BNIP5: variants seen among roughly 807,000 people sequenced by gnomAD.
BNIP5 encodes the protein BCL2 interacting protein 5, also known as protein BNIP5.
Under a neutral mutation model 67.3 loss-of-function variants are expected in BNIP5, and 61 were observed. The observed-to-expected ratio is 0.91, with a 90% confidence interval of 0.74 to 1.12. BNIP5 has a LOEUF of 1.12. BNIP5 is among the 50% of genes most tolerant of loss of function. BNIP5 has a pLI of 0.00. For synonymous variants in BNIP5, 317 were observed against 319.0 expected (o/e 0.99, Z 0.07); for missense variants, 826 against 816.3 (o/e 1.01, Z -0.14).
In BNIP5 at chr6:36,316,438, C is replaced by G. The variant is rs1202600451; in HGVS notation, c.*918G>C. ...ACAAAAAATAGCCCTTTTCTCAAGA[C>G]ATGTTACTGCTACCAGCTGCAAAAC... On this transcript the variant is annotated 3_prime_UTR_variant, in exon 12 of 12. Coordinates refer to ENST00000437635, the MANE Select transcript of BNIP5 (RefSeq NM_001010903.5). 2 of 398,286 alleles carry G rather than the reference C, an allele frequency of 5.0e-6. No individual in the cohort carries two copies. Among genetic ancestry groups the G allele is most frequent in the Non-Finnish European group, 8.8e-6 (2 of 226,082 alleles). The allele number at this position is 398,286 out of a possible 1,614,324, so 24.7% of individuals were successfully genotyped here.
intron 1 of BNIP5, 56 bp from the exon 2 acceptor site, chr6:36,330,750 T>C: frequency 6.6e-7 from 1 of 1,506,750 alleles, no homozygotes; most frequent in Non-Finnish European, 8.8e-7. Context: ...TTTGATTTGT[T>C]TGTTTGTTTG....
chr6:36,325,737 C>T (rs1771748182), intron 5 of BNIP5, among the ~76,000 whole-genome samples: 1 of 152,196 alleles, frequency 6.6e-6, no homozygotes. Context: ...CAGAATCCCC[C>T]TGCATGAAAA....
chr6:36,332,115 C>G (rs1771920107), intron 1 of BNIP5, among the ~76,000 whole-genome samples: 1 of 152,222 alleles, frequency 6.6e-6, no homozygotes. Flanking sequence ...ACACCCCACA[C>G]GTCCCAGCCT....
chr6:36,332,992 A>T (rs191038254), intron 1 of BNIP5, among the ~76,000 whole-genome samples: 1 of 152,342 alleles, frequency 6.6e-6, no homozygotes, highest in Non-Finnish European at 1.5e-5. Flanking sequence ...GTGGTATGGG[A>T]TGTACTGTAA....
rs1771768286 is a variant in BNIP5 at position 36,326,645 on chromosome 6, G to A, written c.901C>T (p.Pro301Ser). Reference protein sequence around the residue: ...TSLKRTSKTNPKKHGSEEAKR... With the variant: ...TSLKRTSKTNSKKHGSEEAKR... ...GCCTCCTCGGAGCCGTGTTTCTTGG[G>A]GTTTGTCTTTGAGGTTCTCTTGAGG... Residue 301 changes from proline to serine, a missense_variant, in exon 5 of 12, where the codon CCC (proline) becomes TCC (serine). By Grantham distance (74) the Pro-to-Ser change is moderately conservative (BLOSUM62 -1). Transcript: ENST00000437635. The A allele has an allele frequency of 6.2e-7, 1 of 1,614,232 alleles. No homozygotes were observed. Among genetic ancestry groups the A allele is most frequent in the East Asian group, 2.2e-5 (1 of 44,888 alleles).
intron 10 of BNIP5, 150 bp from the exon 11 acceptor site, chr6:36,319,760 C>T (rs1771596527): frequency 9.0e-6 from 8 of 890,998 alleles, no homozygotes; most frequent in Admixed American, 8.2e-5. Flanking sequence ...CCCCTAGCCT[C>T]TCAGAATCTG....
intron 1 of BNIP5, among the ~76,000 whole-genome samples, chr6:36,332,559 AT>A (rs919448461): frequency 6.6e-6 from 1 of 152,220 alleles, no homozygotes; most frequent in African/African-American, 2.4e-5. Context: ...TGTATAACAC[AT>A]TTAGTAAATG....
chr6:36,325,296 T>G lies in BNIP5; in HGVS notation c.1155A>C (p.Arg385Ser), dbSNP rs1401567095. 6.2e-7 allele frequency: 1 copy of G among 1,614,172 alleles called. No individual in the cohort carries two copies. The highest frequency in any genetic ancestry group is 8.5e-7 in the Non-Finnish European group (1 of 1,180,016). The change falls in exon 6 of 12, where the codon AGA (arginine) becomes AGC (serine). Residue 385 changes from arginine (R) to serine (S), a missense_variant. Physicochemically the swap from Arg to Ser is moderately radical, Grantham distance 110. Coordinates refer to ENST00000437635, the MANE Select transcript of BNIP5 (RefSeq NM_001010903.5). ...AGGAGTACTGACTGTATTCCGAGGC[T>G]CTGTCCAGCGGAAGCTCCTCTCCAG... is the stretch of plus-strand genomic sequence containing the variant. ...QEPGEELPLDRASEYKEFIQK... is the reference protein window; with the variant it reads ...QEPGEELPLDSASEYKEFIQK...
intron 2 of BNIP5, 131 bp downstream of exon 2, chr6:36,329,938 GAGGGAGGAAGGA>G (rs761331990): frequency 2.9e-5 from 23 of 804,360 alleles, no homozygotes; most frequent in African/African-American, 7.1e-5. Context: ...GGGAGGAAGG[GAGGGAGGAAGGA>G]AGGAAGGAAG....
intron 4 of BNIP5, 22 bp downstream of exon 4, chr6:36,327,008 A>G (rs754277161): frequency 1.5e-5 from 24 of 1,607,522 alleles, no homozygotes; most frequent in Non-Finnish European, 1.9e-5. Flanking sequence ...GCCCCTGGAG[A>G]CCTGCAAAGT....
chr6:36,322,647 G>T (rs564788795), intron 8 of BNIP5, among the ~76,000 whole-genome samples: 65 of 152,232 alleles, frequency 4.3e-4, no homozygotes, highest in African/African-American at 1.5e-3. Context: ...AACCCTTTCT[G>T]CCTCCTCAGT....
intron 1 of BNIP5, among the ~76,000 whole-genome samples, chr6:36,331,541 T>G (rs1234379222): frequency 6.6e-6 from 1 of 152,132 alleles, no homozygotes; most frequent in East Asian, 1.9e-4. Context: ...GGCCCCGTGT[T>G]CTCATCTGAA....
intron 2 of BNIP5, among the ~76,000 whole-genome samples, chr6:36,329,775 C>T (rs1472030305): frequency 6.6e-6 from 1 of 151,748 alleles, no homozygotes; most frequent in Non-Finnish European, 1.5e-5. Flanking sequence ...CATGCCACTG[C>T]ACTCCAGCCT....
At position 36,316,178 on chromosome 6, in the gene BNIP5, C is replaced by T. The variant is rs1771510554; in HGVS notation, c.*1178G>A. 1 of 222,168 alleles carries T rather than the reference C, an allele frequency of 4.5e-6. No homozygotes were observed. Among genetic ancestry groups the T allele is most frequent in the African/African-American group, 2.3e-5 (1 of 44,212 alleles). The allele number at this position is 222,168 out of a possible 1,614,324, so 13.8% of individuals were successfully genotyped here. A position where few individuals can be genotyped will look rare whatever the true frequency, so the allele number is the denominator to read the frequency against. On this transcript the variant is annotated 3_prime_UTR_variant, in exon 12 of 12. Transcript: ENST00000437635. ...GACAGCAGGTTCAACACGGCAATAC[C>T]ATGTCCCCAAGGGTCACAAGATCTC...
At chr6:36,318,909 C>T (rs1021844524) in intron 11 of BNIP5, among the ~76,000 whole-genome samples, 2 of 152,216 alleles carry the variant, frequency 1.3e-5, no homozygotes, top group Admixed American at 1.3e-4. Flanking sequence ...CCAGAACCAA[C>T]AGCCCATGGA....
Position 36,317,152 on chromosome 6 carries a change from C to T in BNIP5, c.*204G>A. 1 of 614,016 alleles carries T rather than the reference C, an allele frequency of 1.6e-6. No individual in the cohort carries two copies. The highest frequency in any genetic ancestry group is 1.8e-5 in the African/African-American group (1 of 54,264). The allele number at this position is 614,016 out of a possible 1,614,324, so 38.0% of individuals were successfully genotyped here. A position where few individuals can be genotyped will look rare whatever the true frequency, so the allele number is the denominator to read the frequency against. ...CCAGTCCAGTGCTGATTTCCCCAGA[C>T]ATGGCCTCTGTGTCTTGCCTTGTGG... On this transcript the variant is annotated 3_prime_UTR_variant, in exon 12 of 12. Transcript: ENST00000437635.
chr6:36,328,833 G>A (rs1274274685), intron 2 of BNIP5, 119 bp from the exon 3 acceptor site: 2 of 721,514 alleles, frequency 2.8e-6, no homozygotes. Context: ...TGCAACAGGT[G>A]CTGCTGCAGC....
At chr6:36,318,195 A>G (rs754555267) in intron 11 of BNIP5, among the ~76,000 whole-genome samples, 6 of 152,358 alleles carry the variant, frequency 3.9e-5, no homozygotes, top group Non-Finnish European at 5.9e-5. Flanking sequence ...ATCATTGCAA[A>G]AGGTTTCCCA....
rs1311385133 is a variant in BNIP5, at chr6:36,319,391, T to C, written c.1888A>G (p.Asn630Asp). The C allele has an allele frequency of 5.6e-6, 9 of 1,614,122 alleles. No individual in the cohort carries two copies. The highest frequency in any genetic ancestry group is 1.3e-5 in the African/African-American group (1 of 75,014). The change falls in exon 11 of 12, where the codon AAT (asparagine) becomes GAT (aspartate). Residue 630 changes from asparagine (N) to aspartate (D), a missense_variant. Asn to Asp is a conservative substitution (Grantham distance 23, BLOSUM62 1). Coordinates refer to ENST00000437635, the MANE Select transcript of BNIP5 (RefSeq NM_001010903.5). ...TCCCTGTATGGGAACTGGGTGCAAT[T>C]GTAGTGGTCTCTTAGGCCCATGAGG... ...CILMGLRDHYNCTQFPYREDQ... is the reference protein window; with the variant it reads ...CILMGLRDHYDCTQFPYREDQ...
Sources: gnomAD v4.1 joint callset for allele counts (sites outside exome capture counted in the v4.1 genomes callset) on GRCh38, gnomAD v4.1.1 for gene constraint, MANE v1.5 for transcripts, NCBI Gene and HGNC (gene_info 2026-07-23, HGNC 2026-07-21) for gene names.